The following MDN1 variants were observed in gnomAD, a reference collection of about 807,000 sequenced individuals.
MDN1 encodes the protein midasin AAA ATPase 1.
MDN1 carries 266 observed loss-of-function variants against 669.2 expected under a neutral mutation model. That is an observed-to-expected ratio of 0.40 (90% CI 0.36 to 0.44). The LOEUF (loss-of-function observed/expected upper bound fraction) is 0.44. Ranked by LOEUF, MDN1 falls within the 20% of genes least tolerant of loss-of-function variation. The probability of loss-of-function intolerance (pLI) is 1.00; values close to 1 mark genes in which losing one functional copy is unlikely to be tolerated. For synonymous variants in MDN1, 2,385 were observed against 2,457.1 expected (o/e 0.97, Z 0.87); for missense variants, 5,940 against 6,754.0 (o/e 0.88, Z 4.22).
rs577961451 is a variant in MDN1, at chr6:89,812,132, T to C, written c.102+7374A>G. On this transcript the variant is annotated intron_variant, in intron 1 of 101. Transcript: ENST00000369393. ...TCCCGAGTAGCTGGGATTACAGGCA[T>C]GCGCCACCACACCCGGCTAATTTTT... Among the ~76,000 whole-genome samples the C allele has an allele frequency of 4.7e-4, 72 of 151,944 alleles. 1 individual carries two copies. The South Asian group carries it at 0.015, about 31-fold the overall frequency.
intron 3 of MDN1, 146 bp downstream of exon 3, chr6:89,794,430 TA>T: frequency 1.3e-6 from 1 of 768,840 alleles, no homozygotes; most frequent in Non-Finnish European, 2.1e-6. Flanking sequence ...GACACATGAT[TA>T]AAGAAAGGAA....
intron 93 of MDN1, 68 bp downstream of exon 93, chr6:89,654,096 T>C (rs1359711056): frequency 1.4e-5 from 21 of 1,544,840 alleles, no homozygotes; most frequent in African/African-American, 5.4e-5. Flanking sequence ...GACTAGATTA[T>C]AGTGAGAGAG....
At chr6:89,700,549 A>T in intron 56 of MDN1, 97 bp downstream of exon 56, 2 of 1,238,044 alleles carry the variant, frequency 1.6e-6, no homozygotes, top group Non-Finnish European at 2.3e-6. Context: ...CCCTCACATC[A>T]CCCAGAAAAG....
chr6:89,670,170 A>ATATATATTTTTTTTTTT (rs1444537561), intron 83 of MDN1, among the ~76,000 whole-genome samples: 6 of 23,402 alleles, frequency 2.6e-4, no homozygotes, highest in Admixed American at 9.6e-4. Context: ...ATATATATAT[A>ATATATATTTTTTTTTTT]TTTTTTTTTT....
intron 12 of MDN1, among the ~76,000 whole-genome samples, chr6:89,776,208 T>C (rs62415982): frequency 6.6e-6 from 1 of 151,766 alleles, no homozygotes; most frequent in South Asian, 2.1e-4. Context: ...ATGCTTGTTA[T>C]CCCAGCACTT....
intron 17 of MDN1, 47 bp downstream of exon 17, chr6:89,761,598 G>A: frequency 7.5e-7 from 1 of 1,340,180 alleles, no homozygotes; most frequent in Non-Finnish European, 1.1e-6. Flanking sequence ...ACATTGTTTT[G>A]CATAAAATCA....
At position 89,712,685 on chromosome 6, in the gene MDN1, G is replaced by C; in HGVS notation, c.7320C>G (p.Pro2440=). 6.2e-7 allele frequency: 1 copy of C among 1,614,030 alleles called. No individual in the cohort carries two copies. Among genetic ancestry groups the C allele is most frequent in the Non-Finnish European group, 8.5e-7 (1 of 1,179,902 alleles). The change falls in exon 48 of 102, where the codon CCC becomes CCG. Residue 2440 remains proline, a synonymous_variant. Transcript: ENST00000369393. The stretch of plus-strand genomic sequence containing the variant: ...AATCTTCAGTAGCAAAGAGAGCTGA[G>C]GGCACAGAATCTGGCCACAGTCCCA... The part of the protein sequence containing the change: ...LGMGLWPDSV[P]SALFATEDSH...
At chr6:89,801,603 C>T (rs1037135749) in intron 2 of MDN1, among the ~76,000 whole-genome samples, 4 of 151,770 alleles carry the variant, frequency 2.6e-5, no homozygotes, top group Non-Finnish European at 5.9e-5. Flanking sequence ...TGAGCCAAGA[C>T]CATGCCACTG....
chr6:89,714,810 G>A (rs1814214953), intron 45 of MDN1, 59 bp from the exon 46 acceptor site: 3 of 1,429,374 alleles, frequency 2.1e-6, no homozygotes, highest in South Asian at 2.6e-5. Flanking sequence ...AACCAAAGGT[G>A]TAGCTCAGCA....
chr6:89,674,732 AAAG>A, intron 78 of MDN1, 143 bp from the exon 79 acceptor site: 1 of 1,190,246 alleles, frequency 8.4e-7, no homozygotes. Context: ...AGATAGGTAA[AAAG>A]TCTGTTAAAA....
chr6:89,716,813 A>C lies in MDN1; in HGVS notation c.6584-4T>G. ...TCTTCAACAAGTTTGGCAAACTCTG[A>C]AATGTCACAGGGAAGAATCACCATC... is the stretch of plus-strand genomic sequence containing the variant. On this transcript the variant is annotated splice_region_variant and splice_polypyrimidine_tract_variant and intron_variant, in intron 43 of 101. Transcript: ENST00000369393. The C allele has an allele frequency of 6.3e-7, 1 of 1,599,256 alleles. No homozygotes were observed. The highest frequency in any genetic ancestry group is 1.7e-4 in the Middle Eastern group (1 of 6,006).
intron 32 of MDN1, 29 bp downstream of exon 32, chr6:89,740,205 A>T (rs1410416069): frequency 6.2e-7 from 1 of 1,608,328 alleles, no homozygotes; most frequent in South Asian, 1.1e-5. Flanking sequence ...CAAAACCTAG[A>T]AAGAAAATGT....
intron 1 of MDN1, chr6:89,815,089 C>A (rs182748265): frequency 6.3e-5 from 28 of 444,866 alleles, no homozygotes; most frequent in African/African-American, 3.9e-4. Context: ...ACAGCCTGAG[C>A]CAGAAGAGGA....
chr6:89,785,989 A>G (rs1339226717), intron 8 of MDN1, among the ~76,000 whole-genome samples: 1 of 152,010 alleles, frequency 6.6e-6, no homozygotes, highest in African/African-American at 2.4e-5. Context: ...AAAATAAGAC[A>G]GGTGTGGTGG....
chr6:89,789,372 T>C (rs1819135319), intron 7 of MDN1, among the ~76,000 whole-genome samples: 1 of 152,162 alleles, frequency 6.6e-6, no homozygotes, highest in Non-Finnish European at 1.5e-5. Flanking sequence ...CCTTCACCTG[T>C]CCTCAGCCCA....
At chr6:89,705,758 G>A (rs981553456) in intron 53 of MDN1, among the ~76,000 whole-genome samples, 2 of 152,120 alleles carry the variant, frequency 1.3e-5, no homozygotes, top group African/African-American at 4.8e-5. Flanking sequence ...AATACAAAAA[G>A]GGAATGAGGA....
At chr6:89,755,929 T>C (rs1260797277) in intron 20 of MDN1, among the ~76,000 whole-genome samples, 1 of 152,234 alleles carries the variant, frequency 6.6e-6, no homozygotes, top group African/African-American at 2.4e-5. Context: ...AGTATAAATA[T>C]TGCAAATAGA....
chr6:89,677,143 G>C lies in MDN1; in HGVS notation c.12539+427C>G, dbSNP rs556403009. ...GTCTTACTTTGCCGCCCAGGCTGGA[G>C]TGCAGTGGTGTAATCTCAGCTCACT... On this transcript the variant is annotated intron_variant, in intron 76 of 101. Coordinates refer to ENST00000369393, the MANE Select transcript of MDN1 (RefSeq NM_014611.3). 9.0e-4 allele frequency among the ~76,000 whole-genome samples: 137 copies of C among 151,940 alleles called. 1 individual carries two copies. Among genetic ancestry groups the C allele is most frequent in the Middle Eastern group, 3.4e-3 (1 of 294 alleles).
At chr6:89,757,211 C>A (rs1229669927) in intron 19 of MDN1, among the ~76,000 whole-genome samples, 4 of 152,058 alleles carry the variant, frequency 2.6e-5, no homozygotes, top group African/African-American at 9.7e-5. Flanking sequence ...TTTATTTTTT[C>A]CCAAATGTTA....
Sources: gnomAD v4.1 joint callset for allele counts (sites outside exome capture counted in the v4.1 genomes callset) on GRCh38, gnomAD v4.1.1 for gene constraint, MANE v1.5 for transcripts, NCBI Gene and HGNC (gene_info 2026-07-23, HGNC 2026-07-21) for gene names.